The following AMMECR1L variants were observed in gnomAD, a reference collection of about 807,000 sequenced individuals.
The protein encoded by AMMECR1L is AMMECR1 like.
In AMMECR1L, 4 loss-of-function variants were observed where a neutral mutation model predicts 36.8. That is an observed-to-expected ratio of 0.11 (90% CI 0.05 to 0.25). The LOEUF (loss-of-function observed/expected upper bound fraction) is 0.25, where lower values mean the gene tolerates loss of function less well. Ranked by LOEUF, AMMECR1L falls within the 10% of genes least tolerant of loss-of-function variation. AMMECR1L has a pLI of 1.00. For missense variants in AMMECR1L, 232 were observed against 392.1 expected (o/e 0.59, Z 3.45); for synonymous variants, 147 against 148.0 (o/e 0.99, Z 0.05).
At chr2:127,880,688 A>C (rs1691453281) in intron 2 of AMMECR1L, among the ~76,000 whole-genome samples, 1 of 151,832 alleles carries the variant, frequency 6.6e-6, no homozygotes, top group South Asian at 2.1e-4. Context: ...GCCAGCACTG[A>C]ACTCGGCATC....
rs775246787 is a variant in AMMECR1L at position 127,867,041 on chromosome 2, G to A, written c.725-45C>T. On this transcript the variant is annotated intron_variant, in intron 6 of 7. Transcript: ENST00000272647. Reference sequence around the variant, plus strand: ...CACTGAGGTCAATGCACATGCAAGAGTAAGGCATGCTCTCACATGGCCCGT... The same window carrying A: ...CACTGAGGTCAATGCACATGCAAGAATAAGGCATGCTCTCACATGGCCCGT... The A allele has an allele frequency of 1.8e-5, 29 of 1,611,530 alleles. No individual in the cohort carries two copies. The South Asian group carries it at 3.2e-4, about 18-fold the overall frequency.
chr2:127,866,015 C>T (rs1157396112), intron 7 of AMMECR1L, among the ~76,000 whole-genome samples: 2 of 152,096 alleles, frequency 1.3e-5, no homozygotes, highest in Non-Finnish European at 2.9e-5. Flanking sequence ...AATAATAATG[C>T]TTTGTATTTG....
chr2:127,875,799 C>T (rs74995367), intron 2 of AMMECR1L, among the ~76,000 whole-genome samples: 19 of 151,430 alleles, frequency 1.3e-4, no homozygotes, highest in Non-Finnish European at 2.1e-4. Flanking sequence ...CTCTCTCTCT[C>T]TCTTTTTCTT....
chr2:127,865,539 G>A lies in AMMECR1L; in HGVS notation c.822-334C>T, dbSNP rs905760153. Among the ~76,000 whole-genome samples the A allele has an allele frequency of 6.6e-6, 1 of 152,196 alleles. No homozygotes were observed. Among genetic ancestry groups the A allele is most frequent in the African/African-American group, 2.4e-5 (1 of 41,430 alleles). ...ATTTCAAGGTCAAATTACTCGGGTGGCAGATTGGAAGATGGCTGCACCAAA... is the reference window on the plus strand; with the variant it reads ...ATTTCAAGGTCAAATTACTCGGGTGACAGATTGGAAGATGGCTGCACCAAA... On this transcript the variant is annotated intron_variant, in intron 7 of 7. Transcript: ENST00000272647. This position sits in a 1 kb window ranked among gnomAD's most constrained non-coding sequence, Gnocchi z 5.4.
chr2:127,872,746 T>G (rs996346188), intron 3 of AMMECR1L, among the ~76,000 whole-genome samples: 3 of 152,142 alleles, frequency 2.0e-5, no homozygotes, highest in Admixed American at 2.0e-4. Context: ...AGTCTAAACC[T>G]TCCCTAAACA....
Position 127,869,638 on chromosome 2 carries a change from T to TTAA in AMMECR1L, c.634-97_634-95dup. 9.5e-7 allele frequency: 1 copy of TTAA among 1,053,004 alleles called. No homozygotes were observed. The allele number at this position is 1,053,004 out of a possible 1,614,324, so 65.2% of individuals were successfully genotyped here. On this transcript the variant is annotated intron_variant, in intron 5 of 7. Coordinates refer to ENST00000272647, the MANE Select transcript of AMMECR1L (RefSeq NM_001199140.2). The surrounding 1 kb of genome is among the most constrained non-coding windows in gnomAD (Gnocchi z 4.7). Reference sequence around the variant, plus strand: ...AAATCAACATTGTTCCCTGACCAGCTTAACACAGGCCTGGAAAAGGGAGAC... The same window carrying TTAA: ...AAATCAACATTGTTCCCTGACCAGCTTAATAACACAGGCCTGGAAAAGGGAGAC...
intron 2 of AMMECR1L, among the ~76,000 whole-genome samples, chr2:127,880,728 T>C (rs893989071): frequency 6.6e-6 from 1 of 152,054 alleles, no homozygotes; most frequent in Non-Finnish European, 1.5e-5. Flanking sequence ...GCAGGGCATC[T>C]GTTTCATCTT....
chr2:127,862,224 C>T lies in AMMECR1L; in HGVS notation c.*2870G>A, dbSNP rs531112821. ...AAGGCACTCACAGCTAGGGATGAAA[C>T]GAACTCCGAACCAAGCCAGAGAAAT... On this transcript the variant is annotated 3_prime_UTR_variant, in exon 8 of 8. Transcript: ENST00000272647. 1.9e-5 allele frequency: 3 copies of T among 153,860 alleles called. No individual in the cohort carries two copies. The highest frequency in any genetic ancestry group is 3.9e-4 in the East Asian group (2 of 5,186). The allele number at this position is 153,860 out of a possible 1,614,324, so 9.5% of individuals were successfully genotyped here. A position where few individuals can be genotyped will look rare whatever the true frequency, so the allele number is the denominator to read the frequency against.
chr2:127,882,625 C>T (rs962964698), intron 2 of AMMECR1L, among the ~76,000 whole-genome samples: 17 of 151,938 alleles, frequency 1.1e-4, no homozygotes, highest in Middle Eastern at 3.4e-3. Context: ...ACAGGGTCTC[C>T]GTCTGCGGTC....
At position 127,874,342 on chromosome 2, in the gene AMMECR1L, T is replaced by C. The variant is rs13418973; in HGVS notation, c.-38-70A>G. ...AAAGGAGAGGAAAAAACATCAAAGA[T>C]AGAGAGTCTGCATTGACCAGCTAAG... On this transcript the variant is annotated intron_variant, in intron 2 of 7. Coordinates refer to ENST00000272647, the MANE Select transcript of AMMECR1L (RefSeq NM_001199140.2). The surrounding 1 kb of genome is among the most constrained non-coding windows in gnomAD (Gnocchi z 5.2). The C allele has an allele frequency of 1.1e-5, 15 of 1,416,248 alleles. No individual in the cohort carries two copies. The highest frequency in any genetic ancestry group is 1.8e-4 in the Middle Eastern group (1 of 5,672). 87.7% of individuals were successfully genotyped at this position (1,416,248 alleles called of 1,614,324 possible).
intron 3 of AMMECR1L, among the ~76,000 whole-genome samples, chr2:127,872,343 A>C (rs1403275578): frequency 9.2e-5 from 14 of 152,066 alleles, no homozygotes; most frequent in Non-Finnish European, 1.5e-5. Flanking sequence ...CACCGCGCCC[A>C]GCCAAGGAAC....
chr2:127,885,276 G>C, intron 1 of AMMECR1L: 5 of 984,352 alleles, frequency 5.1e-6, no homozygotes, highest in Non-Finnish European at 6.0e-6. Context: ...CGGGCCGAGG[G>C]ACAGGGTGAA....
intron 2 of AMMECR1L, among the ~76,000 whole-genome samples, chr2:127,878,704 G>A (rs928100735): frequency 6.6e-6 from 1 of 152,162 alleles, no homozygotes; most frequent in Non-Finnish European, 1.5e-5. Flanking sequence ...ACACAGTTGT[G>A]TTTACAGTTC....
rs563618984 is a variant in AMMECR1L at position 127,873,980 on chromosome 2, C to A, written c.255G>T (p.Ala85=). Residue 85 remains alanine, a synonymous_variant, in exon 3 of 8, where the codon GCG becomes GCT. Coordinates refer to ENST00000272647, the MANE Select transcript of AMMECR1L (RefSeq NM_001199140.2). This position sits in a 1 kb window ranked among gnomAD's most constrained non-coding sequence, Gnocchi z 5.2. ...PITRMNPASG[A]LSPLPRPNGT... Reference sequence around the variant, plus strand: ...CATTAGGCCGGGGAAGAGGGCTCAGCGCTCCCGATGCGGGATTCATTCGTG... The same window carrying A: ...CATTAGGCCGGGGAAGAGGGCTCAGAGCTCCCGATGCGGGATTCATTCGTG... 1 of 1,614,224 alleles carries A rather than the reference C, an allele frequency of 6.2e-7. No homozygotes were observed. Among genetic ancestry groups the A allele is most frequent in the Non-Finnish European group, 8.5e-7 (1 of 1,180,044 alleles).
rs902310517 is a variant in AMMECR1L at position 127,871,676 on chromosome 2, G to A, written c.408-317C>T. ...CTGCCCAAGACTCAACTTTTCCTTC[G>A]AATTCTCCAGTTTCCTCTTCCCTAA... On this transcript the variant is annotated intron_variant, in intron 3 of 7. Transcript: ENST00000272647. This position sits in a 1 kb window ranked among gnomAD's most constrained non-coding sequence, Gnocchi z 4.3. Among the ~76,000 whole-genome samples the A allele has an allele frequency of 2.0e-5, 3 of 151,924 alleles. No individual in the cohort carries two copies. Among genetic ancestry groups the A allele is most frequent in the African/African-American group, 4.8e-5 (2 of 41,354 alleles).
chr2:127,876,349 CAAAAA>C (rs11332960), intron 2 of AMMECR1L, among the ~76,000 whole-genome samples: 2 of 111,128 alleles, frequency 1.8e-5, no homozygotes, highest in Admixed American at 9.1e-5. Flanking sequence ...GGCCCTGTCT[CAAAAA>C]AAAAAAAAAA....
intron 2 of AMMECR1L, among the ~76,000 whole-genome samples, chr2:127,881,787 T>G (rs1321004143): frequency 1.3e-5 from 2 of 152,198 alleles, no homozygotes; most frequent in African/African-American, 4.8e-5. Context: ...CTAATACAAT[T>G]CCATTAAGAA....
At chr2:127,870,385 G>C (rs1026648403) in intron 5 of AMMECR1L, among the ~76,000 whole-genome samples, 1 of 151,676 alleles carries the variant, frequency 6.6e-6, no homozygotes, top group South Asian at 2.1e-4. Context: ...TGAGGCAGGA[G>C]AATCCCTTGA....
In AMMECR1L at chr2:127,874,248, T is replaced by G; in HGVS notation, c.-14A>C. 6.2e-7 allele frequency: 1 copy of G among 1,613,632 alleles called. No homozygotes were observed. The highest frequency in any genetic ancestry group is 8.5e-7 in the Non-Finnish European group (1 of 1,179,922). Reference sequence around the variant, plus strand: ...TCTTTTTCCCATCCTGATTCAGTGCTCAAGGTCTGGAATGCTGCAGAACCC... The same window carrying G: ...TCTTTTTCCCATCCTGATTCAGTGCGCAAGGTCTGGAATGCTGCAGAACCC... On this transcript the variant is annotated 5_prime_UTR_variant, in exon 3 of 8. Coordinates refer to ENST00000272647, the MANE Select transcript of AMMECR1L (RefSeq NM_001199140.2). This position sits in a 1 kb window ranked among gnomAD's most constrained non-coding sequence, Gnocchi z 5.2.
Sources: allele counts gnomAD v4.1 joint callset (sites outside exome capture counted in the v4.1 genomes callset), GRCh38; gene constraint gnomAD v4.1.1; non-coding constraint Gnocchi (gnomAD v3.1); transcripts MANE v1.5; gene names NCBI Gene and HGNC (gene_info 2026-07-23, HGNC 2026-07-21).